LRMDA: variants seen among roughly 807,000 people sequenced by gnomAD.
LRMDA encodes leucine-rich melanocyte differentiation-associated protein.
A neutral mutation model predicts 29.8 loss-of-function variants in LRMDA; 18 were observed. The observed-to-expected ratio is 0.60, with a 90% CI of 0.42 to 0.90. The LOEUF (loss-of-function observed/expected upper bound fraction) is 0.90, where lower values mean the gene tolerates loss of function less well. Ranked by LOEUF, LRMDA falls within the 40% of genes least tolerant of loss-of-function variation. The probability of loss-of-function intolerance (pLI) is 0.00; values close to 1 mark genes in which losing one functional copy is unlikely to be tolerated. For missense variants in LRMDA, 273 were observed against 273.9 expected, an observed-to-expected ratio of 1.00 and a Z score of 0.02; for synonymous variants, 125 against 109.4, an observed-to-expected ratio of 1.14 and a Z score of -0.89.
intron 2 of LRMDA, among the ~76,000 whole-genome samples, chr10:76,025,964 T>C (rs1395572109): frequency 6.6e-6 from 1 of 152,176 alleles, no homozygotes; most frequent in East Asian, 1.9e-4. Flanking sequence ...TGGCACTCAA[T>C]ACATTTTTAT....
intron 5 of LRMDA, among the ~76,000 whole-genome samples, chr10:76,287,774 G>T (rs1015203114): frequency 6.6e-6 from 1 of 152,094 alleles, no homozygotes; most frequent in African/African-American, 2.4e-5. Flanking sequence ...TCTGTAAAAA[G>T]ACCAGCAAAC....
chr10:76,336,413 C>T (rs923601122), intron 6 of LRMDA, among the ~76,000 whole-genome samples: 3 of 152,184 alleles, frequency 2.0e-5, no homozygotes, highest in Non-Finnish European at 2.9e-5. Flanking sequence ...TCCTTAAATA[C>T]TCTCTGCAGA....
intron 2 of LRMDA, chr10:75,450,582 T>C (rs1216699493): frequency 1.3e-5 from 2 of 152,242 alleles, no homozygotes; most frequent in African/African-American, 4.8e-5. Flanking sequence ...TTCCTGCAGC[T>C]GGAGAAGTGT....
At chr10:75,435,205 C>T (rs1844250545) in intron 1 of LRMDA, among the ~76,000 whole-genome samples, 1 of 152,184 alleles carries the variant, frequency 6.6e-6, no homozygotes, top group Non-Finnish European at 1.5e-5. Context: ...TATGCTCTTG[C>T]TTCTGTGCCA....
intron 2 of LRMDA, among the ~76,000 whole-genome samples, chr10:75,971,187 G>C (rs951621265): frequency 6.6e-6 from 1 of 152,300 alleles, no homozygotes; most frequent in African/African-American, 2.4e-5. Context: ...ACATTGGTCT[G>C]TTTTCTCCTT....
At chr10:76,027,758 T>G (rs1034235851) in intron 2 of LRMDA, among the ~76,000 whole-genome samples, 1 of 152,212 alleles carries the variant, frequency 6.6e-6, no homozygotes, top group African/African-American at 2.4e-5. Flanking sequence ...ACTTTTAATT[T>G]TCATGCATGA....
intron 6 of LRMDA, among the ~76,000 whole-genome samples, chr10:76,462,077 C>CCA (rs5786236): frequency 0.3 from 37,020 of 122,108 alleles, 6,134 homozygotes; most frequent in Non-Finnish European, 0.38. Flanking sequence ...AAAAAAAAAA[C>CCA]CACACACACA....
intron 2 of LRMDA, among the ~76,000 whole-genome samples, chr10:75,485,625 C>T (rs533971671): frequency 1.3e-5 from 2 of 152,034 alleles, no homozygotes; most frequent in East Asian, 3.9e-4. Context: ...CTCTGTTGCC[C>T]AGGCTGGAGT....
chr10:76,147,764 C>G (rs1010246697), intron 5 of LRMDA, among the ~76,000 whole-genome samples: 1 of 152,168 alleles, frequency 6.6e-6, no homozygotes, highest in Non-Finnish European at 1.5e-5. Flanking sequence ...AGGCACTCTG[C>G]TTTTTAGAGT....
intron 2 of LRMDA, among the ~76,000 whole-genome samples, chr10:75,765,656 G>A (rs1378420118): frequency 2.0e-5 from 3 of 152,066 alleles, no homozygotes; most frequent in Admixed American, 1.3e-4. Flanking sequence ...CACAGTGGTG[G>A]CTATATGAGC....
At chr10:75,886,315 T>C (rs974300068) in intron 2 of LRMDA, among the ~76,000 whole-genome samples, 1 of 152,196 alleles carries the variant, frequency 6.6e-6, no homozygotes, top group Non-Finnish European at 1.5e-5. Flanking sequence ...AGTTTGTATA[T>C]TGCTAAAGTC....
At chr10:75,678,228 A>G (rs1182657574) in intron 2 of LRMDA, among the ~76,000 whole-genome samples, 2 of 152,208 alleles carry the variant, frequency 1.3e-5, no homozygotes, top group African/African-American at 4.8e-5. Context: ...ACTAATAATT[A>G]TGGCAATATA....
At chr10:76,203,781 T>C (rs1851477530) in intron 5 of LRMDA, among the ~76,000 whole-genome samples, 1 of 149,480 alleles carries the variant, frequency 6.7e-6, no homozygotes, top group Non-Finnish European at 1.5e-5. Flanking sequence ...CCATCTCTAT[T>C]TCATGTGCCC....
intron 5 of LRMDA, among the ~76,000 whole-genome samples, chr10:76,184,474 C>T (rs1322263077): frequency 6.6e-6 from 1 of 152,208 alleles, no homozygotes; most frequent in African/African-American, 2.4e-5. Flanking sequence ...ATGTGTCCGA[C>T]ACAGCAGTTG....
intron 2 of LRMDA, among the ~76,000 whole-genome samples, chr10:75,762,113 T>G (rs1281005265): frequency 7.9e-5 from 12 of 152,306 alleles, no homozygotes; most frequent in Non-Finnish European, 1.5e-5. Context: ...ATGCCAGGCC[T>G]GGCATAATTT....
At chr10:75,659,844 C>T (rs1481506000) in intron 2 of LRMDA, among the ~76,000 whole-genome samples, 1 of 152,124 alleles carries the variant, frequency 6.6e-6, no homozygotes, top group East Asian at 1.9e-4. Context: ...TCTCCATCTC[C>T]TTTTTTCTTC....
intron 2 of LRMDA, among the ~76,000 whole-genome samples, chr10:75,482,472 A>G (rs908093225): frequency 6.6e-6 from 1 of 152,234 alleles, no homozygotes; most frequent in Admixed American, 6.5e-5. Flanking sequence ...CTGATTCAAT[A>G]GCCACTATAG....
chr10:75,689,391 G>A (rs766833577), intron 2 of LRMDA, among the ~76,000 whole-genome samples: 4 of 152,154 alleles, frequency 2.6e-5, no homozygotes, highest in East Asian at 1.9e-4. Flanking sequence ...TAGGTTCTTC[G>A]AGGCTGACCT....
At chr10:76,364,898 A>G (rs989406080) in intron 6 of LRMDA, among the ~76,000 whole-genome samples, 4 of 151,228 alleles carry the variant, frequency 2.6e-5, no homozygotes, top group African/African-American at 7.3e-5. Flanking sequence ...TTATTCTTAT[A>G]CCTTTGCATC....
Sources: allele counts gnomAD v4.1 joint callset (sites outside exome capture counted in the v4.1 genomes callset), GRCh38; gene constraint gnomAD v4.1.1; transcripts MANE v1.5; gene names NCBI Gene and HGNC (gene_info 2026-07-23, HGNC 2026-07-21).